TSC2: variants seen among roughly 807,000 people sequenced by gnomAD.
TSC2 encodes tuberin.
TSC2 carries 29 observed loss-of-function variants against 202.2 expected under a neutral mutation model. The observed-to-expected ratio is 0.14, with a 90% CI of 0.11 to 0.20. The LOEUF (loss-of-function observed/expected upper bound fraction) is 0.20, where lower values mean the gene tolerates loss of function less well. TSC2 is among the 10% of genes least tolerant of loss of function. The pLI, the probability that TSC2 is intolerant of heterozygous loss-of-function variation, is 1.00. For missense variants in TSC2, 2,429 were observed against 2,420.0 expected (o/e 1.00, Z -0.08); for synonymous variants, 1,349 against 1,044.0 (o/e 1.29, Z -5.63).
chr16:2,053,268 G>A lies in TSC2; in HGVS notation c.226-74G>A. On this transcript the variant is annotated intron_variant, in intron 3 of 41. Transcript: ENST00000219476. ...TTGTTCCTCCCTGTCCTCCGCTCAC[G>A]GCACTGCTCCAGTTGCCGGGGCCAG... 2.1e-6 allele frequency: 3 copies of A among 1,454,630 alleles called. No individual in the cohort carries two copies. The highest frequency in any genetic ancestry group is 1.4e-5 in the African/African-American group (1 of 71,274). 90.1% of individuals were successfully genotyped at this position (1,454,630 alleles called of 1,614,324 possible).
chr16:2,080,486 CTT>C (rs748856777), intron 30 of TSC2, 109 bp downstream of exon 30: 124 of 1,339,250 alleles, frequency 9.3e-5, no homozygotes, highest in Non-Finnish European at 1.2e-4. Context: ...TTGGGGGTAA[CTT>C]TTGTTTTTTT....
At chr16:2,066,032 ACAGTGAACAGTTCAGTGGTTTT>A (rs2087304143) in intron 16 of TSC2, among the ~76,000 whole-genome samples, 1 of 152,098 alleles carries the variant, frequency 6.6e-6, no homozygotes, top group Non-Finnish European at 1.5e-5. Context: ...TTACCCATTC[ACAGTGAACAGTTCAGTGGTTTT>A]CAGTAAATTC....
Position 2,048,042 on chromosome 16 carries a change from C to T in TSC2, c.-53C>T, listed in dbSNP as rs1296207257. 2 of 1,428,806 alleles carry T rather than the reference C, an allele frequency of 1.4e-6. No individual in the cohort carries two copies. The highest frequency in any genetic ancestry group is 1.8e-6 in the Non-Finnish European group (2 of 1,098,564). The allele number at this position is 1,428,806 out of a possible 1,614,324, so 88.5% of individuals were successfully genotyped here. A position where few individuals can be genotyped will look rare whatever the true frequency, so the allele number is the denominator to read the frequency against. On this transcript the variant is annotated 5_prime_UTR_variant, in exon 1 of 42. Transcript: ENST00000219476. The stretch of plus-strand genomic sequence containing the variant: ...CGCCTTTCTCCGCGTCGGGGCGGCC[C>T]GGAGCGCGGTGGCGCGGCGCGGGGT...
chr16:2,048,065 G>A lies in TSC2; in HGVS notation c.-30G>A. ...CCCGGAGCGCGGTGGCGCGGCGCGG[G>A]GTAAGTGGCGGTCCCCACGGGGCAA... On this transcript the variant is annotated splice_region_variant and 5_prime_UTR_variant, in exon 1 of 42. Coordinates refer to ENST00000219476, the MANE Select transcript of TSC2 (RefSeq NM_000548.5). 1 of 1,427,170 alleles carries A rather than the reference G, an allele frequency of 7.0e-7. No individual in the cohort carries two copies. The highest frequency in any genetic ancestry group is 9.1e-7 in the Non-Finnish European group (1 of 1,097,326). 88.4% of individuals were successfully genotyped at this position (1,427,170 alleles called of 1,614,324 possible). A position where few individuals can be genotyped will look rare whatever the true frequency, so the allele number is the denominator to read the frequency against.
intron 20 of TSC2, 115 bp downstream of exon 20, chr16:2,072,478 C>G: frequency 6.7e-7 from 1 of 1,489,774 alleles, no homozygotes; most frequent in South Asian, 1.2e-5. Context: ...CCATTTCCCT[C>G]AAACTCAGCT....
Position 2,088,429 on chromosome 16 carries a change from G to A in TSC2, c.5260-17G>A, listed in dbSNP as rs1476456008. 1 of 1,612,682 alleles carries A rather than the reference G, an allele frequency of 6.2e-7. No individual in the cohort carries two copies. On this transcript the variant is annotated splice_polypyrimidine_tract_variant and intron_variant, in intron 41 of 41. Transcript: ENST00000219476. ...CACGCCTCCCAGACTTACTGCCCAA[G>A]CCGCCTCTGCCTTCAGATCTGCGAG...
Position 2,071,550 on chromosome 16 carries a change from A to G in TSC2, c.1880A>G (p.His627Arg), listed in dbSNP as rs2088392295. The G allele has an allele frequency of 6.2e-7, 1 of 1,613,456 alleles. No individual in the cohort carries two copies. The highest frequency in any genetic ancestry group is 8.5e-7 in the Non-Finnish European group (1 of 1,180,012). The part of the protein sequence containing the change: ...FLLLLRADSL[H>R]RLGLPNKDGV... ...TTGCTGCTGCGGGCCGACTCACTGC[A>G]CCGCCTGGGCCTGCCCAACAAGGAT... Residue 627 changes from histidine to arginine, a missense_variant, in exon 18 of 42, where the codon CAC becomes CGC. His to Arg is a conservative substitution (Grantham distance 29). Coordinates refer to ENST00000219476, the MANE Select transcript of TSC2 (RefSeq NM_000548.5).
At position 2,088,959 on chromosome 16, in the gene TSC2, T is replaced by A; in HGVS notation, c.*349T>A. On this transcript the variant is annotated 3_prime_UTR_variant, in exon 42 of 42. Transcript: ENST00000219476. ...GAGGAGTCTTTTCCTCTAACCACCC[T>A]GGGGTCCTCTGACATGCCTAGTCCT... 6.0e-6 allele frequency: 2 copies of A among 330,778 alleles called. No individual in the cohort carries two copies. Among genetic ancestry groups the A allele is most frequent in the East Asian group, 6.3e-5 (1 of 15,868 alleles). 20.5% of individuals were successfully genotyped at this position (330,778 alleles called of 1,614,324 possible). A position where few individuals can be genotyped will look rare whatever the true frequency, so the allele number is the denominator to read the frequency against.
chr16:2,069,279 G>A (rs1315714324), intron 16 of TSC2, among the ~76,000 whole-genome samples: 2 of 152,140 alleles, frequency 1.3e-5, no homozygotes, highest in East Asian at 1.9e-4. Context: ...TTGCTTTTAT[G>A]TCATAATATT....
intron 20 of TSC2, 122 bp downstream of exon 20, chr16:2,072,485 A>G: frequency 6.8e-7 from 1 of 1,465,528 alleles, no homozygotes; most frequent in Admixed American, 1.8e-5. Flanking sequence ...CCTCAAACTC[A>G]GCTGCACTCT....
intron 10 of TSC2, among the ~76,000 whole-genome samples, 162 bp downstream of exon 10, chr16:2,059,035 G>A (rs1212359663): frequency 2.0e-5 from 3 of 148,218 alleles, no homozygotes; most frequent in South Asian, 4.4e-4. Context: ...GGGGCCCTTT[G>A]TAGGCTTTAG....
chr16:2,082,278 C>G, intron 31 of TSC2, 158 bp from the exon 32 acceptor site: 1 of 808,512 alleles, frequency 1.2e-6, no homozygotes. Flanking sequence ...CTCAGGTCTG[C>G]CCAAGCAGCT....
chr16:2,083,745 G>C lies in TSC2; in HGVS notation c.3934G>C (p.Val1312Leu), dbSNP rs201584397. ...EGSPGEVPVL[V>L]EPPGLEDVEA... is the part of the protein sequence containing the mutation. The stretch of plus-strand genomic sequence containing the variant: ...AAGTCCGGGCGAGGTTCCTGTGCTG[G>C]TGGAGCCCCCAGGGTTGGAGGACGT... Residue 1312 changes from valine (V) to leucine (L), a missense_variant, in exon 33 of 42, where the codon GTG becomes CTG. Val to Leu is a conservative substitution (Grantham distance 32). Coordinates refer to ENST00000219476, the MANE Select transcript of TSC2 (RefSeq NM_000548.5). The C allele has an allele frequency of 6.2e-7, 1 of 1,607,070 alleles. No individual in the cohort carries two copies. The highest frequency in any genetic ancestry group is 2.2e-5 in the East Asian group (1 of 44,672).
chr16:2,086,530 C>G (rs2090816667), intron 37 of TSC2, 151 bp downstream of exon 37: 3 of 1,392,504 alleles, frequency 2.2e-6, no homozygotes, highest in African/African-American at 1.4e-5. Flanking sequence ...ACAGCGTGGG[C>G]ATGGAGGCAG....
chr16:2,069,929 A>G (rs1031399631), intron 16 of TSC2, among the ~76,000 whole-genome samples: 3 of 152,146 alleles, frequency 2.0e-5, no homozygotes, highest in African/African-American at 4.8e-5. Context: ...ATTTCTTTCA[A>G]TGATTTTTTA....
intron 16 of TSC2, among the ~76,000 whole-genome samples, chr16:2,067,486 A>C (rs2087553249): frequency 1.3e-5 from 2 of 151,204 alleles, no homozygotes; most frequent in African/African-American, 4.8e-5. Context: ...AAAACCAGGC[A>C]TCAGCCGGGT....
Position 2,074,370 on chromosome 16 carries a change from A to G in TSC2, c.2526A>G (p.Pro842=), listed in dbSNP as rs753466189. The change falls in exon 22 of 42, where the codon CCA becomes CCG. Residue 842 remains proline (P), a synonymous_variant. Coordinates refer to ENST00000219476, the MANE Select transcript of TSC2 (RefSeq NM_000548.5). ...HISATASMAV[P]LLEFLSTLAR... ...CAGCCACAGCCAGCATGGCCGTCCC[A>G]CTGCTGGAGTTCCTGTCCAGTGAGT... is the stretch of plus-strand genomic sequence containing the variant. 4.3e-6 allele frequency: 7 copies of G among 1,611,450 alleles called. No individual in the cohort carries two copies. Among genetic ancestry groups the G allele is most frequent in the South Asian group, 1.1e-5 (1 of 91,072 alleles).
intron 24 of TSC2, 33 bp from the exon 25 acceptor site, chr16:2,076,458 C>T (rs768628278): frequency 1.9e-6 from 3 of 1,612,000 alleles, no homozygotes; most frequent in Non-Finnish European, 2.5e-6. Context: ...CCCATTGCCA[C>T]CCCTCACTGT....
chr16:2,067,616 C>A (rs59849375), intron 16 of TSC2, among the ~76,000 whole-genome samples: 1 of 151,854 alleles, frequency 6.6e-6, no homozygotes, highest in Non-Finnish European at 1.5e-5. Flanking sequence ...ACTAAAAATA[C>A]AAAATTAGCC....
Sources: gnomAD v4.1 joint callset for allele counts (sites outside exome capture counted in the v4.1 genomes callset) on GRCh38, gnomAD v4.1.1 for gene constraint, MANE v1.5 for transcripts, NCBI Gene and HGNC (gene_info 2026-07-23, HGNC 2026-07-21) for gene names.